PPHLN1: variants seen among roughly 807,000 people sequenced by gnomAD.
PPHLN1 encodes the protein periphilin-1.
PPHLN1 carries 29 observed loss-of-function variants against 51.3 expected under a neutral mutation model. The ratio of observed to expected loss-of-function variants is 0.57; its 90% CI spans 0.42 to 0.77. The LOEUF is 0.77. PPHLN1 is among the 30% of genes least tolerant of loss of function. PPHLN1 has a pLI of 0.00. For missense variants in PPHLN1, 436 were observed against 438.4 expected (o/e 0.99, Z 0.05); for synonymous variants, 147 against 147.8 (o/e 0.99, Z 0.04).
At chr12:42,360,110 C>CAAAAAAAAAAAA (rs10643805) in intron 4 of PPHLN1, among the ~76,000 whole-genome samples, 93 of 123,102 alleles carry the variant, frequency 7.6e-4, no homozygotes, top group African/African-American at 1.5e-3. Flanking sequence ...GACTCCATCT[C>CAAAAAAAAAAAA]AAAAAAAAAA....
chr12:42,365,490 A>T (rs2075172356), intron 4 of PPHLN1, among the ~76,000 whole-genome samples: 1 of 151,988 alleles, frequency 6.6e-6, no homozygotes, highest in East Asian at 2.0e-4. Context: ...GCTGACACTG[A>T]GGGTTCTATC....
intron 8 of PPHLN1, among the ~76,000 whole-genome samples, chr12:42,394,004 C>T (rs1425230350): frequency 3.3e-5 from 5 of 151,994 alleles, no homozygotes; most frequent in African/African-American, 1.2e-4. Flanking sequence ...CATGCTAAGC[C>T]ACTAGTTATA....
At chr12:42,405,509 T>C (rs536083188) in intron 9 of PPHLN1, among the ~76,000 whole-genome samples, 9 of 152,344 alleles carry the variant, frequency 5.9e-5, no homozygotes, top group African/African-American at 1.7e-4. Flanking sequence ...TTGTCTAATG[T>C]CTGGTTTATT....
chr12:42,346,855 C>T (rs751605863), intron 2 of PPHLN1, among the ~76,000 whole-genome samples: 1 of 152,114 alleles, frequency 6.6e-6, no homozygotes, highest in Non-Finnish European at 1.5e-5. Flanking sequence ...TGATGTCAAG[C>T]ACCTTTTCAT....
At chr12:42,343,274 A>G (rs2071760656) in intron 2 of PPHLN1, among the ~76,000 whole-genome samples, 1 of 152,164 alleles carries the variant, frequency 6.6e-6, no homozygotes, top group Non-Finnish European at 1.5e-5. Flanking sequence ...TGTTCTTTTT[A>G]TGCCCCACAT....
chr12:42,364,412 T>C (rs1209860218), intron 4 of PPHLN1, among the ~76,000 whole-genome samples: 1 of 151,980 alleles, frequency 6.6e-6, no homozygotes, highest in Non-Finnish European at 1.5e-5. Context: ...GGAGGATAGC[T>C]TCAGCCCAGA....
intron 9 of PPHLN1, among the ~76,000 whole-genome samples, chr12:42,417,921 TTTTTTTTTTTGTTTTTTTTTTG>T (rs1394374657): frequency 1.5e-4 from 6 of 40,666 alleles, no homozygotes; most frequent in African/African-American, 7.4e-4. Flanking sequence ...AAAGCCCTAG[TTTTTTTTTTTGTTTTTTTTTTG>T]TTTTTTTTTT....
At chr12:42,341,578 A>G (rs538514006) in intron 2 of PPHLN1, among the ~76,000 whole-genome samples, 1 of 152,318 alleles carries the variant, frequency 6.6e-6, no homozygotes, top group African/African-American at 2.4e-5. Context: ...TAACAAATGT[A>G]CCAGTCATTA....
At chr12:42,437,090 T>G (rs1382777155) in intron 9 of PPHLN1, among the ~76,000 whole-genome samples, 2 of 152,120 alleles carry the variant, frequency 1.3e-5, no homozygotes, top group African/African-American at 2.4e-5. Context: ...AATTTCTACT[T>G]GTAGCTCTTT....
intron 9 of PPHLN1, among the ~76,000 whole-genome samples, chr12:42,437,345 A>G (rs1365001910): frequency 6.6e-6 from 1 of 152,176 alleles, no homozygotes; most frequent in Non-Finnish European, 1.5e-5. Flanking sequence ...CATCATCACT[A>G]TAGCTGCCTT....
At chr12:42,364,255 G>A (rs1223052956) in intron 4 of PPHLN1, among the ~76,000 whole-genome samples, 1 of 151,922 alleles carries the variant, frequency 6.6e-6, no homozygotes, top group East Asian at 1.9e-4. Context: ...ATAAATCTTA[G>A]GATGGAACTG....
At chr12:42,347,085 A>G (rs2072455506) in intron 2 of PPHLN1, 1 of 152,204 alleles carries the variant, frequency 6.6e-6, no homozygotes, top group African/African-American at 2.4e-5. Context: ...TTCAACTAGC[A>G]TCCTGGTGTA....
At chr12:42,353,283 C>T (rs2073623569) in intron 3 of PPHLN1, among the ~76,000 whole-genome samples, 1 of 152,110 alleles carries the variant, frequency 6.6e-6, no homozygotes, top group African/African-American at 2.4e-5. Context: ...CACCTTTTCT[C>T]TTTTTCCCCC....
chr12:42,381,843 AGAGAT>A (rs1336044170), intron 5 of PPHLN1, among the ~76,000 whole-genome samples: 1 of 152,224 alleles, frequency 6.6e-6, no homozygotes, highest in African/African-American at 2.4e-5. Flanking sequence ...CTGTTGAAGA[AGAGAT>A]GAAAGTACTG....
In PPHLN1 at chr12:42,335,437, A is replaced by G. The variant is rs114994487; in HGVS notation, c.-20-446A>G. Reference sequence around the variant, plus strand: ...CATAGAGAGAGTAGATATATATTAAATGAAGACTGTAGAAAAGCAAAAAAC... The same window carrying G: ...CATAGAGAGAGTAGATATATATTAAGTGAAGACTGTAGAAAAGCAAAAAAC... On this transcript the variant is annotated intron_variant, in intron 1 of 9. Coordinates refer to ENST00000358314, the MANE Select transcript of PPHLN1 (RefSeq NM_201439.2). 5.4e-3 allele frequency among the ~76,000 whole-genome samples: 828 copies of G among 152,296 alleles called. 7 individuals carry two copies. The highest frequency in any genetic ancestry group is 0.019 in the African/African-American group (792 of 41,568).
At chr12:42,343,117 G>A (rs1208866334) in intron 2 of PPHLN1, among the ~76,000 whole-genome samples, 1 of 152,112 alleles carries the variant, frequency 6.6e-6, no homozygotes, top group African/African-American at 2.4e-5. Flanking sequence ...TAACTTGACA[G>A]TCAGGTCTAC....
intron 8 of PPHLN1, among the ~76,000 whole-genome samples, chr12:42,398,081 A>G (rs2139283972): frequency 6.6e-6 from 1 of 151,886 alleles, no homozygotes; most frequent in East Asian, 1.9e-4. Context: ...AGTTGTTACT[A>G]TTGAGACAAC....
chr12:42,431,778 C>CCAGAAGCA, intron 9 of PPHLN1: 1 of 1,054,812 alleles, frequency 9.5e-7, no homozygotes, highest in Middle Eastern at 2.0e-4. Context: ...GCCAGAAGCA[C>CCAGAAGCA]TAGTCGGGCT....
intron 9 of PPHLN1, among the ~76,000 whole-genome samples, chr12:42,438,703 G>A (rs1036497506): frequency 1.4e-4 from 21 of 152,144 alleles, no homozygotes; most frequent in African/African-American, 4.6e-4. Flanking sequence ...CCAGGTTCAG[G>A]TGATTCTCCT....
Sources: gnomAD v4.1 joint callset for allele counts (sites outside exome capture counted in the v4.1 genomes callset) on GRCh38, gnomAD v4.1.1 for gene constraint, MANE v1.5 for transcripts, NCBI Gene and HGNC (gene_info 2026-07-23, HGNC 2026-07-21) for gene names.